The following TRIP4 variants were observed in gnomAD, a reference collection of about 807,000 sequenced individuals.
The protein encoded by TRIP4 is activating signal cointegrator 1.
TRIP4 carries 54 observed loss-of-function variants against 81.8 expected under a neutral mutation model. That is an observed-to-expected ratio of 0.66 (90% CI 0.53 to 0.83). The LOEUF is 0.83. Among genes scored for constraint, TRIP4 ranks in the 40% least tolerant of loss-of-function variants. TRIP4 has a pLI of 0.00. For synonymous variants in TRIP4, 270 were observed against 242.8 expected, an observed-to-expected ratio of 1.11 and a Z score of -1.04; for missense variants, 662 against 683.6, an observed-to-expected ratio of 0.97 and a Z score of 0.35.
intron 2 of TRIP4, among the ~76,000 whole-genome samples, chr15:64,395,035 AG>A (rs1231622580): frequency 1.3e-5 from 2 of 152,000 alleles, no homozygotes; most frequent in Non-Finnish European, 2.9e-5. Flanking sequence ...TTCTAGAGAT[AG>A]GGTCTCACTC....
chr15:64,445,474 C>CA lies in TRIP4; in HGVS notation c.1678+384dup, dbSNP rs35637313. Among the ~76,000 whole-genome samples the CA allele has an allele frequency of 4.0e-4, 52 of 131,038 alleles. No individual in the cohort carries two copies. In the South Asian group the frequency reaches 5.7e-3, roughly 14 times the overall value. The allele number at this position is 131,038 out of a possible 152,430, so 86.0% of individuals were successfully genotyped here. A position where few individuals can be genotyped will look rare whatever the true frequency, so the allele number is the denominator to read the frequency against. On this transcript the variant is annotated intron_variant, in intron 12 of 12. Transcript: ENST00000261884. ...ACCCCCCCGTCTCTACTAAGATTAC[C>CA]AAAAAAAAAAAAAAAAAATTAGCTG...
At chr15:64,440,127 G>C (rs1439533930) in intron 11 of TRIP4, among the ~76,000 whole-genome samples, 1 of 151,962 alleles carries the variant, frequency 6.6e-6, no homozygotes, top group Non-Finnish European at 1.5e-5. Context: ...TGCACCTGTA[G>C]TCTCCAGTAC....
intron 9 of TRIP4, among the ~76,000 whole-genome samples, chr15:64,422,731 C>T (rs946181521): frequency 6.6e-6 from 1 of 152,114 alleles, no homozygotes; most frequent in South Asian, 2.1e-4. Flanking sequence ...CTCACAGAAG[C>T]GAAAGAATGA....
chr15:64,455,066 C>G lies in TRIP4; in HGVS notation c.*2C>G, dbSNP rs1354179818. 1 of 1,613,828 alleles carries G rather than the reference C, an allele frequency of 6.2e-7. No homozygotes were observed. The highest frequency in any genetic ancestry group is 1.1e-5 in the South Asian group (1 of 91,060). The stretch of plus-strand genomic sequence containing the variant: ...ATGAAGCAGAATAAAGCTGTCTGAC[C>G]CAGGAGAAAAGGAACTATACAGCAT... On this transcript the variant is annotated 3_prime_UTR_variant, in exon 13 of 13. Coordinates refer to ENST00000261884, the MANE Select transcript of TRIP4 (RefSeq NM_016213.5).
At chr15:64,391,265 TC>T (rs1351306321) in intron 1 of TRIP4, among the ~76,000 whole-genome samples, 1 of 151,904 alleles carries the variant, frequency 6.6e-6, no homozygotes, top group African/African-American at 2.4e-5. Flanking sequence ...CAAGCAATTC[TC>T]CTGCCTCAGC....
intron 11 of TRIP4, among the ~76,000 whole-genome samples, chr15:64,429,293 A>G (rs1373411732): frequency 6.6e-6 from 1 of 152,088 alleles, no homozygotes; most frequent in Non-Finnish European, 1.5e-5. Flanking sequence ...CTCCAGCCTG[A>G]GTGACAAGAG....
chr15:64,389,842 C>T (rs1900067762), intron 1 of TRIP4, among the ~76,000 whole-genome samples: 1 of 150,242 alleles, frequency 6.7e-6, no homozygotes, highest in Non-Finnish European at 1.5e-5. Context: ...GCTGGGATTA[C>T]AGGCGCGCAC....
At chr15:64,411,015 T>A (rs1891751583) in intron 7 of TRIP4, among the ~76,000 whole-genome samples, 1 of 152,178 alleles carries the variant, frequency 6.6e-6, no homozygotes, top group African/African-American at 2.4e-5. Flanking sequence ...TGGCTTAAAT[T>A]TTTTTTAAAG....
intron 12 of TRIP4, among the ~76,000 whole-genome samples, chr15:64,446,381 C>G (rs112077128): frequency 0.056 from 8,530 of 151,522 alleles, 801 homozygotes; most frequent in African/African-American, 0.19. Flanking sequence ...AGCCTTGGCT[C>G]TCTTGCTTTT....
intron 6 of TRIP4, among the ~76,000 whole-genome samples, chr15:64,408,585 T>C (rs1303850587): frequency 6.6e-6 from 1 of 152,078 alleles, no homozygotes; most frequent in Non-Finnish European, 1.5e-5. Context: ...TAATTCTAGC[T>C]GAGTATGAAA....
chr15:64,428,221 A>G (rs926851047), intron 11 of TRIP4, among the ~76,000 whole-genome samples: 1 of 152,156 alleles, frequency 6.6e-6, no homozygotes, highest in African/African-American at 2.4e-5. Flanking sequence ...AATGATTTCA[A>G]TCTCTAGATA....
intron 12 of TRIP4, chr15:64,445,328 A>G: frequency 3.3e-6 from 1 of 306,780 alleles, no homozygotes. Flanking sequence ...CTAGATTTTT[A>G]TAAAATCTTC....
intron 11 of TRIP4, among the ~76,000 whole-genome samples, chr15:64,426,307 G>T (rs1047191014): frequency 1.3e-5 from 2 of 152,086 alleles, no homozygotes; most frequent in African/African-American, 4.8e-5. Context: ...CCAGGACTGT[G>T]CCATATTTGG....
chr15:64,426,575 C>T (rs1892150024), intron 11 of TRIP4, among the ~76,000 whole-genome samples: 1 of 151,930 alleles, frequency 6.6e-6, no homozygotes. Flanking sequence ...TGGCGCATGC[C>T]TGTAATCCCA....
chr15:64,394,323 A>C (rs922565531), intron 2 of TRIP4, among the ~76,000 whole-genome samples: 1 of 152,108 alleles, frequency 6.6e-6, no homozygotes, highest in Non-Finnish European at 1.5e-5. Flanking sequence ...TATCACAAAA[A>C]GGCCGGGCGT....
At chr15:64,395,366 G>T (rs1302324395) in intron 2 of TRIP4, 32 bp from the exon 3 acceptor site, 1 of 1,586,490 alleles carries the variant, frequency 6.3e-7, no homozygotes, top group Non-Finnish European at 8.6e-7. Context: ...CAATCTGTGT[G>T]TGTGTGTATT....
chr15:64,397,685 C>T lies in TRIP4; in HGVS notation c.485C>T (p.Ala162Val), dbSNP rs779516117. The T allele has an allele frequency of 6.2e-7, 1 of 1,614,204 alleles. No individual in the cohort carries two copies. The change falls in exon 4 of 13, where the codon GCA becomes GTA. Residue 162 changes from alanine to valine, a missense_variant. Ala to Val is a moderately conservative substitution (Grantham distance 64). Coordinates refer to ENST00000261884, the MANE Select transcript of TRIP4 (RefSeq NM_016213.5). ...ACAAGAGAGGGACAGGACAGGCTTG[C>T]AGTCCTGCTCCCTGGTCGTCACCCT... is the stretch of plus-strand genomic sequence containing the variant. ...LYTREGQDRLAVLLPGRHPCD... is the reference protein window; with the variant it reads ...LYTREGQDRLVVLLPGRHPCD...
intron 12 of TRIP4, among the ~76,000 whole-genome samples, chr15:64,453,002 T>C (rs1181944301): frequency 3.9e-5 from 6 of 152,060 alleles, no homozygotes; most frequent in African/African-American, 7.2e-5. Flanking sequence ...TTGGCCAACG[T>C]GGTGAAACCC....
In TRIP4 at chr15:64,425,565, G is replaced by A. The variant is rs367621867; in HGVS notation, c.1509G>A (p.Pro503=). The A allele has an allele frequency of 3.3e-5, 53 of 1,611,946 alleles. No homozygotes were observed. In the African/African-American group the frequency reaches 3.6e-4, roughly 11 times the overall value. The change falls in exon 11 of 13, where the codon CCG becomes CCA. Residue 503 remains proline (P), a synonymous_variant. Coordinates refer to ENST00000261884, the MANE Select transcript of TRIP4 (RefSeq NM_016213.5). The part of the protein sequence containing the change: ...GKDVEFPNDY[P]SGCLLGCVDL... ...ATGTGGAATTTCCTAATGACTATCC[G>A]TCAGGTTGTCTTCTGGGCTGTGTGG...
Sources: gnomAD v4.1 joint callset for allele counts (sites outside exome capture counted in the v4.1 genomes callset) on GRCh38, gnomAD v4.1.1 for gene constraint, MANE v1.5 for transcripts, NCBI Gene and HGNC (gene_info 2026-07-23, HGNC 2026-07-21) for gene names.